ZNF362: variants seen among roughly 807,000 people sequenced by gnomAD.
ZNF362 encodes the protein rotund homolog.
Under a neutral mutation model 42.9 loss-of-function variants are expected in ZNF362, and 11 were observed. The ratio of observed to expected loss-of-function variants is 0.26; its 90% CI spans 0.16 to 0.42. The LOEUF is 0.42. ZNF362 is among the 20% of genes least tolerant of loss of function. The pLI, the probability that ZNF362 is intolerant of heterozygous loss-of-function variation, is 1.00. For missense variants in ZNF362, 362 were observed against 576.2 expected (o/e 0.63, Z 3.81); for synonymous variants, 255 against 257.3 (o/e 0.99, Z 0.09).
the ZNF362 span, chr1:33,181,412 G>A: frequency 1.9e-6 from 3 of 1,600,858 alleles, no homozygotes; most frequent in Non-Finnish European, 2.5e-6. The surrounding 1 kb of genome is among the most constrained non-coding windows in gnomAD (Gnocchi z 6.5). Flanking sequence ...ACAGCAGCTC[G>A]TCCTTGAGGC....
In ZNF362 at chr1:33,276,200, C is replaced by A. The variant is rs773606576; in HGVS notation, c.102+37C>A. ...GTCGCCCCTCCGGCTGCCCTACCCTCCTTGGCGCTGCTTCGCTTCCCCTGG... is the reference window on the plus strand; with the variant it reads ...GTCGCCCCTCCGGCTGCCCTACCCTACTTGGCGCTGCTTCGCTTCCCCTGG... On this transcript the variant is annotated intron_variant, in intron 3 of 8. Coordinates refer to ENST00000539719, the MANE Select transcript of ZNF362 (RefSeq NM_152493.3). The A allele has an allele frequency of 1.9e-6, 3 of 1,610,016 alleles. No homozygotes were observed. The Admixed American group carries it at 5.0e-5, about 27-fold the overall frequency.
chr1:33,152,301 C>T, the ZNF362 span, among the ~76,000 whole-genome samples: 1 of 152,306 alleles, frequency 6.6e-6, no homozygotes, highest in African/African-American at 2.4e-5. Flanking sequence ...CTTGGTGGCT[C>T]ACGCCCGTAA....
At chr1:33,139,983 C>G in the ZNF362 span, among the ~76,000 whole-genome samples, 1 of 152,166 alleles carries the variant, frequency 6.6e-6, no homozygotes, top group African/African-American at 2.4e-5. Context: ...AGGTTGTAGA[C>G]AGGGAGACAT....
At chr1:33,202,974 T>G in the ZNF362 span, among the ~76,000 whole-genome samples, 1 of 152,202 alleles carries the variant, frequency 6.6e-6, no homozygotes, top group African/African-American at 2.4e-5. Context: ...AAATAGTTAC[T>G]CCTTTCCTTT....
the ZNF362 span, among the ~76,000 whole-genome samples, chr1:33,238,363 T>TAAAATAAAATAATAAAATAAAATAA: frequency 2.8e-5 from 2 of 71,712 alleles, no homozygotes; most frequent in African/African-American, 1.1e-4. Flanking sequence ...TAAAATAAAA[T>TAAAATAAAATAATAAAATAAAATAA]AATAAAATAA....
At chr1:33,168,290 T>C in the ZNF362 span, among the ~76,000 whole-genome samples, 4 of 151,512 alleles carry the variant, frequency 2.6e-5, no homozygotes, top group Non-Finnish European at 5.9e-5. Flanking sequence ...ACCAGAAGAG[T>C]AGAAGGAAGA....
chr1:33,294,918 A>C lies in ZNF362; in HGVS notation c.909-19A>C, dbSNP rs774511445. ...GGTGTGTGTCAGGGACTTCGACCTT[A>C]CTGGGCTGCCCATTACAGAATCCAC... On this transcript the variant is annotated intron_variant, in intron 6 of 8. Transcript: ENST00000539719. The surrounding 1 kb of genome is among the most constrained non-coding windows in gnomAD (Gnocchi z 4.2). 2 of 1,613,940 alleles carry C rather than the reference A, an allele frequency of 1.2e-6. No homozygotes were observed. Among genetic ancestry groups the C allele is most frequent in the Admixed American group, 3.3e-5 (2 of 60,010 alleles).
the ZNF362 span, among the ~76,000 whole-genome samples, chr1:33,232,215 T>C: frequency 6.6e-6 from 1 of 152,156 alleles, no homozygotes; most frequent in Non-Finnish European, 1.5e-5. Context: ...GGAAGTCTGA[T>C]GAAGAGGTCT....
chr1:33,200,858 G>A, the ZNF362 span, among the ~76,000 whole-genome samples: 2 of 152,124 alleles, frequency 1.3e-5, no homozygotes, highest in Non-Finnish European at 2.9e-5. Context: ...GAGATAATCA[G>A]GTTAAATTAG....
At chr1:33,209,597 C>T in the ZNF362 span, among the ~76,000 whole-genome samples, 2 of 152,292 alleles carry the variant, frequency 1.3e-5, no homozygotes, top group East Asian at 1.9e-4. Context: ...GCCTCAATTT[C>T]AGAGCCTGTT....
chr1:33,255,393 A>G (rs934958755), upstream of ZNF362, among the ~76,000 whole-genome samples: 2 of 152,144 alleles, frequency 1.3e-5, no homozygotes, highest in Non-Finnish European at 2.9e-5. Flanking sequence ...GCGCTCCCTG[A>G]GGGCAGGGCC....
At chr1:33,289,701 A>G (rs1026800584) in intron 6 of ZNF362, among the ~76,000 whole-genome samples, 1 of 152,194 alleles carries the variant, frequency 6.6e-6, no homozygotes, top group Admixed American at 6.5e-5. Flanking sequence ...GCTTTCCTTC[A>G]TTCAGTCTGT....
Position 33,266,520 on chromosome 1 carries a change from C to T in ZNF362, c.-88-3967C>T, listed in dbSNP as rs1008762601. Among the ~76,000 whole-genome samples the T allele has an allele frequency of 4.6e-5, 7 of 152,124 alleles. No homozygotes were observed. The highest frequency in any genetic ancestry group is 2.1e-4 in the South Asian group (1 of 4,828). On this transcript the variant is annotated intron_variant, in intron 1 of 8. Transcript: ENST00000539719. This position sits in a 1 kb window ranked among gnomAD's most constrained non-coding sequence, Gnocchi z 4.3. ...GGTAGCCCAATTCCTATGTGGGAAA[C>T]GTCAAAAGTGACCTTTAAGTTGAGA... is the stretch of plus-strand genomic sequence containing the variant.
chr1:33,233,791 T>C, the ZNF362 span, among the ~76,000 whole-genome samples: 1 of 152,184 alleles, frequency 6.6e-6, no homozygotes, highest in South Asian at 2.1e-4. Context: ...GGTAGTGCAG[T>C]GCCGTGGTCC....
intron 2 of ZNF362, among the ~76,000 whole-genome samples, chr1:33,272,322 G>T (rs572377142): frequency 6.6e-6 from 1 of 152,066 alleles, no homozygotes; most frequent in African/African-American, 2.4e-5. Flanking sequence ...CTTGGGGCTC[G>T]GGGAGGGCAG....
At chr1:33,269,522 G>C (rs1645886963) in intron 1 of ZNF362, among the ~76,000 whole-genome samples, 1 of 152,102 alleles carries the variant, frequency 6.6e-6, no homozygotes, top group Admixed American at 6.5e-5. Context: ...GTTCCCATGT[G>C]ACCATGGGGT....
chr1:33,222,969 C>T, the ZNF362 span, among the ~76,000 whole-genome samples: 1 of 152,118 alleles, frequency 6.6e-6, no homozygotes, highest in South Asian at 2.1e-4. Context: ...CAGGAGTTTC[C>T]CAGCTGGGCA....
At chr1:33,268,177 A>G (rs1217202618) in intron 1 of ZNF362, among the ~76,000 whole-genome samples, 1 of 152,188 alleles carries the variant, frequency 6.6e-6, no homozygotes, top group South Asian at 2.1e-4. Flanking sequence ...TCTTGGGTCA[A>G]TTAGGAAGAC....
chr1:33,161,631 C>T, the ZNF362 span, among the ~76,000 whole-genome samples: 3 of 152,126 alleles, frequency 2.0e-5, no homozygotes, highest in African/African-American at 4.8e-5. This position sits in a 1 kb window ranked among gnomAD's most constrained non-coding sequence, Gnocchi z 4.3. Context: ...GCCAGGCTGC[C>T]GTGGCCTTCC....
Sources: allele counts gnomAD v4.1 joint callset (sites outside exome capture counted in the v4.1 genomes callset), GRCh38; gene constraint gnomAD v4.1.1; non-coding constraint Gnocchi (gnomAD v3.1); transcripts MANE v1.5; gene names NCBI Gene and HGNC (gene_info 2026-07-23, HGNC 2026-07-21).